The following SOX6 variants were observed in gnomAD, a reference collection of about 807,000 sequenced individuals.
The protein encoded by SOX6 is SRY-box transcription factor 6.
A neutral mutation model predicts 97.8 loss-of-function variants in SOX6; 11 were observed. That is an observed-to-expected ratio of 0.11 (90% CI 0.07 to 0.19). SOX6 has a LOEUF of 0.19. SOX6 is among the 10% of genes least tolerant of loss of function. SOX6 has a pLI of 1.00. For synonymous variants in SOX6, 360 were observed against 371.4 expected, an observed-to-expected ratio of 0.97 and a Z score of 0.35; for missense variants, 810 against 1,039.5, an observed-to-expected ratio of 0.78 and a Z score of 3.04.
At chr11:16,222,268 A>G (rs202085820) in intron 4 of SOX6, among the ~76,000 whole-genome samples, 1 of 152,282 alleles carries the variant, frequency 6.6e-6, no homozygotes, top group East Asian at 1.9e-4. Flanking sequence ...GTTACTATGC[A>G]GTGGTACCAT....
At chr11:16,571,856 T>C (rs532318185) in intron 4 of SOX6, among the ~76,000 whole-genome samples, 1 of 152,228 alleles carries the variant, frequency 6.6e-6, no homozygotes, top group South Asian at 2.1e-4. Flanking sequence ...TTTCGCCATG[T>C]TGGCCAGGCT....
Position 16,355,206 on chromosome 11 carries a change from A to G in SOX6, c.-5+888T>C, listed in dbSNP as rs1178378315. On this transcript the variant is annotated intron_variant, in intron 1 of 15. Coordinates refer to ENST00000683767, the MANE Select transcript of SOX6 (RefSeq NM_001367873.1). ...GCTGAAAGTTCCATCATCAAGATAAACTTGCCTAAAGACCAAACTCACAAA... is the reference window on the plus strand; with the variant it reads ...GCTGAAAGTTCCATCATCAAGATAAGCTTGCCTAAAGACCAAACTCACAAA... Among the ~76,000 whole-genome samples the G allele has an allele frequency of 1.1e-4, 16 of 152,162 alleles. No individual in the cohort carries two copies. The East Asian group carries it at 2.9e-3, about 28-fold the overall frequency.
chr11:16,179,506 GA>G (rs1197868539), intron 6 of SOX6, among the ~76,000 whole-genome samples: 1 of 151,824 alleles, frequency 6.6e-6, no homozygotes, highest in Non-Finnish European at 1.5e-5. Flanking sequence ...ACATTTAAAA[GA>G]AAAAGTTTTC....
intron 4 of SOX6, among the ~76,000 whole-genome samples, chr11:16,583,026 A>G (rs552224647): frequency 3.3e-4 from 50 of 152,236 alleles, no homozygotes; most frequent in South Asian, 1.4e-3. Flanking sequence ...TCATATATAC[A>G]CTTAATGCCT....
At chr11:16,188,088 G>A (rs1316773566) in intron 4 of SOX6, among the ~76,000 whole-genome samples, 1 of 151,972 alleles carries the variant, frequency 6.6e-6, no homozygotes, top group African/African-American at 2.4e-5. Context: ...TATTTTTAAA[G>A]TAGCCCAAAG....
intron 4 of SOX6, among the ~76,000 whole-genome samples, chr11:16,534,192 ATTGG>A (rs1485284923): frequency 3.3e-5 from 5 of 152,152 alleles, no homozygotes; most frequent in African/African-American, 1.2e-4. Context: ...ATCATACAAT[ATTGG>A]TTGGTGATGC....
At chr11:16,466,738 G>C (rs572558351) in intron 1 of SOX6, among the ~76,000 whole-genome samples, 1 of 150,468 alleles carries the variant, frequency 6.6e-6, no homozygotes, top group African/African-American at 2.4e-5. Flanking sequence ...AGACCATCCC[G>C]GCTAAAACGG....
At chr11:16,587,662 C>A (rs1212282682) in intron 4 of SOX6, among the ~76,000 whole-genome samples, 1 of 152,150 alleles carries the variant, frequency 6.6e-6, no homozygotes, top group Non-Finnish European at 1.5e-5. Context: ...CTTCAAAAAA[C>A]TGGTGTAAGA....
At chr11:16,086,875 T>C (rs1258320683) in intron 9 of SOX6, among the ~76,000 whole-genome samples, 1 of 152,242 alleles carries the variant, frequency 6.6e-6, no homozygotes, top group South Asian at 2.1e-4. Context: ...GAGAATGTCA[T>C]ACTGACTTTG....
intron 1 of SOX6, chr11:16,402,704 A>T (rs997009854): frequency 6.2e-7 from 1 of 1,610,864 alleles, no homozygotes; most frequent in Non-Finnish European, 8.5e-7. Flanking sequence ...GTTTCACCTG[A>T]CTAAACTGTA....
chr11:16,484,355 T>C, intron 4 of SOX6: 1 of 818,482 alleles, frequency 1.2e-6, no homozygotes, highest in African/African-American at 1.7e-5. Flanking sequence ...AAGGTAAGGA[T>C]CCAGGTAGTC....
chr11:16,608,851 T>G (rs1361664450), intron 4 of SOX6, among the ~76,000 whole-genome samples: 1 of 152,196 alleles, frequency 6.6e-6, no homozygotes, highest in African/African-American at 2.4e-5. Flanking sequence ...TTACCTCAAC[T>G]TTGTAGAGGA....
At chr11:16,251,327 G>T (rs75788248) in intron 3 of SOX6, among the ~76,000 whole-genome samples, 4,441 of 152,044 alleles carry the variant, frequency 0.029, 206 homozygotes, top group African/African-American at 0.1. Context: ...AAAACTAAAA[G>T]ATAGTTCTTT....
intron 4 of SOX6, among the ~76,000 whole-genome samples, chr11:16,482,655 G>A (rs773691729): frequency 4.0e-5 from 6 of 151,306 alleles, no homozygotes; most frequent in Non-Finnish European, 7.4e-5. Context: ...TTTGTTAGTT[G>A]TTCTTTCAAG....
intron 6 of SOX6, among the ~76,000 whole-genome samples, chr11:16,176,008 A>T (rs1310263460): frequency 2.6e-5 from 4 of 151,786 alleles, no homozygotes; most frequent in African/African-American, 9.7e-5. Context: ...TTAACTCATC[A>T]TGAACTATTT....
intron 3 of SOX6, chr11:16,311,216 G>A (rs1396545492): frequency 1.3e-5 from 2 of 152,086 alleles, no homozygotes; most frequent in Non-Finnish European, 2.9e-5. Flanking sequence ...GATTCTGTCT[G>A]TGGTACAGAA....
intron 4 of SOX6, among the ~76,000 whole-genome samples, chr11:16,233,769 G>A (rs1472957775): frequency 6.6e-6 from 1 of 151,962 alleles, no homozygotes; most frequent in African/African-American, 2.4e-5. Flanking sequence ...TAGCAATTTG[G>A]GAGGCCAAGA....
At chr11:16,378,920 T>C (rs1307561397) in intron 1 of SOX6, among the ~76,000 whole-genome samples, 1 of 152,148 alleles carries the variant, frequency 6.6e-6, no homozygotes, top group East Asian at 1.9e-4. Context: ...CAATACTTTG[T>C]GATAGGCTAT....
chr11:16,108,270 C>T (rs1430152799), intron 7 of SOX6, among the ~76,000 whole-genome samples: 1 of 152,052 alleles, frequency 6.6e-6, no homozygotes, highest in Non-Finnish European at 1.5e-5. Flanking sequence ...AGGCAGACAT[C>T]CTGTTCCTAG....
Sources: gnomAD v4.1 joint callset for allele counts (sites outside exome capture counted in the v4.1 genomes callset) on GRCh38, gnomAD v4.1.1 for gene constraint, MANE v1.5 for transcripts, NCBI Gene and HGNC (gene_info 2026-07-23, HGNC 2026-07-21) for gene names.